The following RBM10 variants were observed in gnomAD, a reference collection of about 807,000 sequenced individuals.
The protein encoded by RBM10 is RNA-binding protein 10.
A neutral mutation model predicts 84.9 loss-of-function variants in RBM10; 1 was observed. The observed-to-expected ratio is 0.01, with a 90% confidence interval of 0.00 to 0.06. The LOEUF is 0.06. RBM10 is among the 10% of genes least tolerant of loss of function. RBM10 has a pLI of 1.00. For missense variants in RBM10, 438 were observed against 839.0 expected (o/e 0.52, Z 5.90); for synonymous variants, 326 against 344.5 (o/e 0.95, Z 0.60).
chrX:47,158,677 C>T (rs1252054585), intron 2 of RBM10, among the ~76,000 whole-genome samples: 1 of 112,092 alleles, frequency 8.9e-6, no homozygotes, highest in Non-Finnish European at 1.9e-5. Flanking sequence ...GCTAGGATTA[C>T]AGGCATGGGC....
At chrX:47,151,250 T>C (rs1194089851) in intron 2 of RBM10, among the ~76,000 whole-genome samples, 1 of 110,881 alleles carries the variant, frequency 9.0e-6, no homozygotes, top group African/African-American at 3.3e-5. Context: ...AGGCTGATCT[T>C]GAACTCCTGA....
intron 2 of RBM10, among the ~76,000 whole-genome samples, chrX:47,154,903 T>C (rs1198403504): frequency 2.8e-5 from 3 of 109,045 alleles, no homozygotes; most frequent in African/African-American, 1.0e-4. Flanking sequence ...ATCCCAGCAC[T>C]TTGGGAGGCC....
At chrX:47,161,202 A>G (rs1602524467) in intron 2 of RBM10, among the ~76,000 whole-genome samples, 1 of 111,158 alleles carries the variant, frequency 9.0e-6, no homozygotes, top group African/African-American at 3.3e-5. Context: ...TTGGCCTTCC[A>G]AAGTGTTGGG....
intron 1 of RBM10, among the ~76,000 whole-genome samples, chrX:47,146,955 T>C (rs782322071): frequency 9.0e-6 from 1 of 111,384 alleles, no homozygotes; most frequent in East Asian, 2.9e-4. Flanking sequence ...TTGTGAAGTC[T>C]TGTCTGATGT....
chrX:47,173,083 G>A (rs2147141865), intron 4 of RBM10, 45 bp from the exon 5 acceptor site: 2 of 1,211,040 alleles, frequency 1.7e-6, no homozygotes, highest in Non-Finnish European at 2.2e-6. Context: ...GTACCCAGCG[G>A]CCCCATTGTG....
intron 17 of RBM10, among the ~76,000 whole-genome samples, chrX:47,182,604 G>A (rs1556780451): frequency 8.8e-6 from 1 of 113,065 alleles, no homozygotes; most frequent in Non-Finnish European, 1.9e-5. Flanking sequence ...TCCCATGGTG[G>A]GGACCCTCAC....
intron 3 of RBM10, among the ~76,000 whole-genome samples, chrX:47,170,083 G>A (rs1208548589): frequency 8.8e-6 from 1 of 113,501 alleles, no homozygotes; most frequent in Admixed American, 9.2e-5. Context: ...TGCCTTAGGG[G>A]AATCCCAGTT....
At position 47,173,017 on chromosome X, in the gene RBM10, C is replaced by T. The variant is rs782487793; in HGVS notation, c.433-111C>T. Reference sequence around the variant, plus strand: ...AAAGCTGCGAAAGAGGCGGAGGAGACTGTGTGCACATCACCGATGACCCCT... The same window carrying T: ...AAAGCTGCGAAAGAGGCGGAGGAGATTGTGTGCACATCACCGATGACCCCT... On this transcript the variant is annotated intron_variant, in intron 4 of 23. Transcript: ENST00000377604. 2.9e-5 allele frequency: 34 copies of T among 1,181,400 alleles called. No individual in the cohort carries two copies. In the South Asian group the frequency reaches 6.3e-4, roughly 22 times the overall value.
At chrX:47,185,838 G>A (rs781851720) in intron 21 of RBM10, 48 bp downstream of exon 21, 3 of 1,200,557 alleles carry the variant, frequency 2.5e-6, no homozygotes, top group East Asian at 6.0e-5. Context: ...TCCCTTCCAA[G>A]TCCCCATCAC....
rs782785820 is a variant in RBM10 at position 47,177,747 on chromosome X, C to T, written c.663+1161C>T. On this transcript the variant is annotated intron_variant, in intron 7 of 23. Coordinates refer to ENST00000377604, the MANE Select transcript of RBM10 (RefSeq NM_005676.5). ...CCTCCAGAGTAGCTGGGACCACAGG[C>T]GCATGCCACCACACCCACTAATTTT... 4.5e-4 allele frequency among the ~76,000 whole-genome samples: 50 copies of T among 111,242 alleles called. 1 individual carries two copies. Among genetic ancestry groups the T allele is most frequent in the African/African-American group, 1.5e-3 (47 of 30,611 alleles).
chrX:47,173,768 T>C (rs1211745446), intron 5 of RBM10, among the ~76,000 whole-genome samples: 2 of 103,012 alleles, frequency 1.9e-5, no homozygotes, highest in African/African-American at 7.0e-5. Flanking sequence ...GTTAGCAGGG[T>C]GGTGGTGGGG....
At position 47,171,079 on chromosome X, in the gene RBM10, C is replaced by CGGCACA; in HGVS notation, c.261_266dup (p.Arg87_His88dup). The CGGCACA allele has an allele frequency of 8.3e-7, 1 of 1,210,574 alleles. No individual in the cohort carries two copies. The highest frequency in any genetic ancestry group is 1.1e-6 in the Non-Finnish European group (1 of 895,085). On this transcript the variant is annotated inframe_insertion, in exon 4 of 24. Transcript: ENST00000377604. ...CGAGACTCAGCGTAGGCGGCGGCGG[C>CGGCACA]GGCACAGGCACAGCCCCACCGGCCC...
At chrX:47,160,959 AT>A (rs782732106) in intron 2 of RBM10, among the ~76,000 whole-genome samples, 1,152 of 108,837 alleles carry the variant, frequency 0.011, 8 homozygotes, top group African/African-American at 0.036. Flanking sequence ...TATTTAATTA[AT>A]TTTTTTTTTG....
At chrX:47,159,147 T>C (rs1472010811) in intron 2 of RBM10, among the ~76,000 whole-genome samples, 3 of 112,525 alleles carry the variant, frequency 2.7e-5, no homozygotes, top group Non-Finnish European at 3.8e-5. Context: ...CCATGGCCCA[T>C]GCCAGTAATC....
intron 5 of RBM10, among the ~76,000 whole-genome samples, chrX:47,174,488 C>T (rs1008911579): frequency 9.0e-6 from 1 of 111,571 alleles, no homozygotes; most frequent in African/African-American, 3.3e-5. Flanking sequence ...TTCCTAGCCT[C>T]GCAGAGCAGC....
intron 2 of RBM10, among the ~76,000 whole-genome samples, chrX:47,166,384 A>G (rs1934203358): frequency 2.7e-5 from 3 of 112,133 alleles, no homozygotes; most frequent in South Asian, 7.3e-4. Flanking sequence ...AGCCTGGGCA[A>G]CAGACCGAGA....
chrX:47,174,332 A>G (rs782597667), intron 5 of RBM10, among the ~76,000 whole-genome samples: 2 of 111,194 alleles, frequency 1.8e-5, no homozygotes, highest in Admixed American at 1.9e-4. Flanking sequence ...CCTTTTGTCC[A>G]GGGGAACCTG....
intron 2 of RBM10, among the ~76,000 whole-genome samples, chrX:47,158,367 C>A (rs781909734): frequency 1.2e-4 from 13 of 111,964 alleles, no homozygotes; most frequent in Admixed American, 2.8e-4. Context: ...ACAACCCCCC[C>A]ACCCCTGGCC....
At chrX:47,159,395 C>A (rs782587178) in intron 2 of RBM10, among the ~76,000 whole-genome samples, 1 of 91,660 alleles carries the variant, frequency 1.1e-5, no homozygotes, top group Admixed American at 1.3e-4. Context: ...GCAACAAGAG[C>A]GAAACTCCGT....
Sources: gnomAD v4.1 joint callset for allele counts (sites outside exome capture counted in the v4.1 genomes callset) on GRCh38, gnomAD v4.1.1 for gene constraint, MANE v1.5 for transcripts, NCBI Gene and HGNC (gene_info 2026-07-23, HGNC 2026-07-21) for gene names.